ZBTB46: variants seen among roughly 807,000 people sequenced by gnomAD.
ZBTB46 encodes the protein zinc finger and BTB domain-containing protein 46.
ZBTB46 carries 8 observed loss-of-function variants against 44.1 expected under a neutral mutation model. The ratio of observed to expected loss-of-function variants is 0.18; its 90% confidence interval spans 0.11 to 0.33. ZBTB46 has a LOEUF of 0.33. Ranked by LOEUF, ZBTB46 falls within the 10% of genes least tolerant of loss-of-function variation. ZBTB46 has a pLI of 1.00. For missense variants in ZBTB46, 651 were observed against 847.7 expected (o/e 0.77, Z 2.88); for synonymous variants, 409 against 382.3 (o/e 1.07, Z -0.81).
intron 1 of ZBTB46, among the ~76,000 whole-genome samples, chr20:63,819,573 A>G (rs1221331315): frequency 2.0e-5 from 3 of 152,104 alleles, no homozygotes; most frequent in African/African-American, 4.8e-5. Context: ...GTCTCTAGCA[A>G]TTTCCACACT....
chr20:63,785,227 AAAAAAAAAAAAAG>A (rs2092504386), intron 2 of ZBTB46, among the ~76,000 whole-genome samples: 1 of 128,960 alleles, frequency 7.8e-6, no homozygotes, highest in Non-Finnish European at 1.7e-5. Flanking sequence ...CGAGACTCAA[AAAAAAAAAAAAAG>A]AAAAGAAAAG....
intron 3 of ZBTB46, among the ~76,000 whole-genome samples, chr20:63,774,692 TTTTTTG>T (rs373001137): frequency 9.4e-5 from 2 of 21,212 alleles, no homozygotes; most frequent in Admixed American, 6.0e-4. Context: ...GCGGTGGGTT[TTTTTTG>T]TTTTTTTTTT....
intron 1 of ZBTB46, among the ~76,000 whole-genome samples, chr20:63,801,808 C>T (rs1165687342): frequency 6.6e-6 from 1 of 152,176 alleles, no homozygotes; most frequent in East Asian, 1.9e-4. Flanking sequence ...ACCAAGAACC[C>T]ACCAATTCCA....
At position 63,790,021 on chromosome 20, in the gene ZBTB46, G is replaced by A; in HGVS notation, c.737C>T (p.Ala246Val). The A allele has an allele frequency of 1.2e-6, 2 of 1,613,998 alleles. No homozygotes were observed. The highest frequency in any genetic ancestry group is 2.2e-5 in the East Asian group (1 of 44,886). Reference sequence around the variant, plus strand: ...AGAGTTCTGTACTGCACCGTCCTTGGCAGAAGGCAGCTCGCTCCCTCCGTA... The same window carrying A: ...AGAGTTCTGTACTGCACCGTCCTTGACAGAAGGCAGCTCGCTCCCTCCGTA... ...SQYGGSELPS[A>V]KDGAVQNSFS... is the part of the protein sequence containing the mutation. The change falls in exon 2 of 5, where the codon GCC becomes GTC. Residue 246 changes from alanine (A) to valine (V), a missense_variant. Physicochemically the swap from Ala to Val is moderately conservative, Grantham distance 64. Around this residue, in one of 5 missense-constraint regions of ZBTB46, gnomAD observed 385 missense variants for 423.3 expected, o/e 0.91. Coordinates refer to ENST00000245663, the MANE Select transcript of ZBTB46 (RefSeq NM_001369741.1).
intron 3 of ZBTB46, among the ~76,000 whole-genome samples, chr20:63,768,648 T>C (rs570311057): frequency 2.3e-4 from 35 of 151,402 alleles, no homozygotes; most frequent in East Asian, 3.9e-4. Context: ...TGTTAAAGAA[T>C]TTTTTTTTCT....
In ZBTB46 at chr20:63,745,010, G is replaced by A. The variant is rs941830408; in HGVS notation, c.*1920C>T. 2.0e-5 allele frequency: 3 copies of A among 152,388 alleles called. No homozygotes were observed. The highest frequency in any genetic ancestry group is 7.2e-5 in the African/African-American group (3 of 41,458). The allele number at this position is 152,388 out of a possible 1,614,324, so 9.4% of individuals were successfully genotyped here. A position where few individuals can be genotyped will look rare whatever the true frequency, so the allele number is the denominator to read the frequency against. On this transcript the variant is annotated 3_prime_UTR_variant, in exon 5 of 5. Transcript: ENST00000245663. ...TAGAAAAAGGGTTTAAAAATCAGGGGAAAGGTACAAAGTTCTGAGAATTCT... is the reference window on the plus strand; with the variant it reads ...TAGAAAAAGGGTTTAAAAATCAGGGAAAAGGTACAAAGTTCTGAGAATTCT...
chr20:63,774,309 G>A (rs1052739300), intron 3 of ZBTB46, among the ~76,000 whole-genome samples: 11 of 152,164 alleles, frequency 7.2e-5, no homozygotes, highest in African/African-American at 1.2e-4. Context: ...GCGAAAATTC[G>A]AAAGAATATT....
At chr20:63,764,295 G>C (rs1304013620) in intron 3 of ZBTB46, among the ~76,000 whole-genome samples, 1 of 152,146 alleles carries the variant, frequency 6.6e-6, no homozygotes, top group African/African-American at 2.4e-5. Flanking sequence ...AATCAGCTGG[G>C]CATGGTGGCT....
At chr20:63,763,982 T>A (rs1224771747) in intron 3 of ZBTB46, among the ~76,000 whole-genome samples, 1 of 152,036 alleles carries the variant, frequency 6.6e-6, no homozygotes, top group Non-Finnish European at 1.5e-5. Flanking sequence ...CTTTTTTTTT[T>A]AAATAAGAGA....
At chr20:63,801,196 A>G (rs181348181) in intron 1 of ZBTB46, among the ~76,000 whole-genome samples, 52 of 152,326 alleles carry the variant, frequency 3.4e-4, no homozygotes, top group African/African-American at 1.2e-3. Flanking sequence ...TGTCTAGCTG[A>G]GGGATTGTAA....
rs978076978 is a variant in ZBTB46, at chr20:63,784,351, C to T, written c.937+5470G>A. On this transcript the variant is annotated intron_variant, in intron 2 of 4. Transcript: ENST00000245663. Reference sequence around the variant, plus strand: ...AGGCTTGCAGGCAGTGCTAGGCACCCGAGAGGCCATTGTCCCCCATCTGGA... The same window carrying T: ...AGGCTTGCAGGCAGTGCTAGGCACCTGAGAGGCCATTGTCCCCCATCTGGA... Among the ~76,000 whole-genome samples, 58 of 152,306 alleles carry T rather than the reference C, an allele frequency of 3.8e-4. 1 individual carries two copies. Among genetic ancestry groups the T allele is most frequent in the African/African-American group, 1.2e-3 (51 of 41,562 alleles).
chr20:63,768,807 C>T (rs1363240061), intron 3 of ZBTB46, among the ~76,000 whole-genome samples: 3 of 152,078 alleles, frequency 2.0e-5, no homozygotes, highest in Non-Finnish European at 2.9e-5. Flanking sequence ...GAGGCTCGGA[C>T]TGGGGCAGTG....
chr20:63,830,797 G>T (rs2092846072), intron 1 of ZBTB46, among the ~76,000 whole-genome samples: 1 of 144,114 alleles, frequency 6.9e-6, no homozygotes, highest in South Asian at 2.1e-4. Context: ...CCGCCTCCGC[G>T]CTCAGCCCCG....
intron 1 of ZBTB46, among the ~76,000 whole-genome samples, chr20:63,806,564 C>T (rs926326224): frequency 1.3e-5 from 2 of 152,040 alleles, no homozygotes; most frequent in Non-Finnish European, 2.9e-5. Context: ...GGTTGTAATA[C>T]CTGCTTAAAA....
At chr20:63,761,761 G>A (rs1332198164) in intron 3 of ZBTB46, among the ~76,000 whole-genome samples, 1 of 142,100 alleles carries the variant, frequency 7.0e-6, no homozygotes, top group Non-Finnish European at 1.5e-5. Flanking sequence ...CAGCCTGGGT[G>A]ACAGAGCGAG....
chr20:63,822,985 A>G (rs933820787), intron 1 of ZBTB46, among the ~76,000 whole-genome samples: 2 of 151,610 alleles, frequency 1.3e-5, no homozygotes, highest in Admixed American at 6.6e-5. Context: ...ACATGGACAA[A>G]CCCCGTCTGT....
intron 4 of ZBTB46, among the ~76,000 whole-genome samples, chr20:63,748,562 G>A (rs1234114503): frequency 1.3e-5 from 2 of 152,172 alleles, no homozygotes; most frequent in African/African-American, 4.8e-5. Context: ...CCCTGTCTCT[G>A]CCCTCCAAGG....
intron 2 of ZBTB46, among the ~76,000 whole-genome samples, chr20:63,777,052 C>T (rs1341593813): frequency 2.2e-5 from 1 of 44,736 alleles, no homozygotes; most frequent in African/African-American, 6.3e-5. Flanking sequence ...TTCCACCACA[C>T]GCCACGGTTC....
chr20:63,751,723 A>ACCATGAAGCCCCGCCCCCCGGTGGGTCTC (rs1568828190), intron 4 of ZBTB46, among the ~76,000 whole-genome samples: 23 of 15,890 alleles, frequency 1.4e-3, no homozygotes, highest in Admixed American at 4.2e-3. Flanking sequence ...GGTGGGTCGC[A>ACCATGAAGCCCCGCCCCCCGGTGGGTCTC]CCATGAAGCC....
Sources: allele counts gnomAD v4.1 joint callset (sites outside exome capture counted in the v4.1 genomes callset), GRCh38; gene constraint gnomAD v4.1.1; regional missense constraint gnomAD v4.1.1; transcripts MANE v1.5; gene names NCBI Gene and HGNC (gene_info 2026-07-23, HGNC 2026-07-21).